Variants in ZNF799 observed in about 807,000 individuals in gnomAD.
ZNF799 encodes the protein zinc finger protein 799, also known as zinc finger protein 14.
ZNF799 carries 28 observed loss-of-function variants against 41.0 expected under a neutral mutation model. The ratio of observed to expected loss-of-function variants is 0.68; its 90% CI spans 0.51 to 0.94. The LOEUF (loss-of-function observed/expected upper bound fraction) is 0.94. Ranked by LOEUF, ZNF799 falls within the 40% of genes least tolerant of loss-of-function variation. The probability of loss-of-function intolerance (pLI) is 0.00; values close to 1 mark genes in which losing one functional copy is unlikely to be tolerated. For synonymous variants in ZNF799, 213 were observed against 252.9 expected (o/e 0.84, Z 1.50); for missense variants, 716 against 764.3 (o/e 0.94, Z 0.74).
intron 1 of ZNF799, among the ~76,000 whole-genome samples, chr19:12,398,437 T>C: frequency 6.6e-6 from 1 of 152,244 alleles, no homozygotes; most frequent in East Asian, 1.9e-4. Flanking sequence ...TGTTTATGTC[T>C]ATGGGTGGGA....
chr19:12,411,040 A>G, the ZNF799 span, among the ~76,000 whole-genome samples: 2,581 of 152,356 alleles, frequency 0.017, 77 homozygotes, highest in African/African-American at 0.059. Context: ...TCTGAAAAAG[A>G]GAAGCAGAGA....
At position 12,391,489 on chromosome 19, in the gene ZNF799, G is replaced by A. The variant is rs1969817170; in HGVS notation, c.909C>T (p.His303=). The change falls in exon 4 of 4, where the codon CAC becomes CAT. Residue 303 remains histidine, a synonymous_variant. Transcript: ENST00000430385. ...STSLRRHETT[H]TDEKPYACQQ... is the part of the protein sequence containing the mutation. ...GACATGCATAGGGTTTCTCATCAGT[G>A]TGAGTTGTTTCGTGTCTTCGAAGGG... The A allele has an allele frequency of 6.2e-7, 1 of 1,614,092 alleles. No homozygotes were observed.
rs185628703 is a variant in ZNF799 at position 12,398,802 on chromosome 19, C to G, written c.3+2266G>C. 1.9e-3 allele frequency among the ~76,000 whole-genome samples: 291 copies of G among 152,134 alleles called. 5 individuals carry two copies. Among genetic ancestry groups the G allele is most frequent in the Admixed American group, 0.017 (263 of 15,290 alleles). ...AGCCATAATGGAAGAGGGTTTTTTC[C>G]TTGGTAGTAGTTATACTACTAAGTC... On this transcript the variant is annotated intron_variant, in intron 1 of 3. Coordinates refer to ENST00000430385, the MANE Select transcript of ZNF799 (RefSeq NM_001080821.3).
chr19:12,400,999 C>G, intron 1 of ZNF799, 69 bp downstream of exon 1: 1 of 1,613,500 alleles, frequency 6.2e-7, no homozygotes, highest in Non-Finnish European at 8.5e-7. Context: ...CCGGGTCCAG[C>G]CACAGCCGAT....
chr19:12,390,344 A>G lies in ZNF799; in HGVS notation c.*122T>C. The stretch of plus-strand genomic sequence containing the variant: ...ACTGTACTGGAAAGAAACTGAAATT[A>G]CTTAAGGTTTTACCAAGTGCTTACA... On this transcript the variant is annotated 3_prime_UTR_variant, in exon 4 of 4. Coordinates refer to ENST00000430385, the MANE Select transcript of ZNF799 (RefSeq NM_001080821.3). 6.4e-7 allele frequency: 1 copy of G among 1,569,294 alleles called. No individual in the cohort carries two copies.
chr19:12,403,121 T>C (rs1970009589), upstream of ZNF799, among the ~76,000 whole-genome samples: 1 of 151,636 alleles, frequency 6.6e-6, no homozygotes, highest in South Asian at 2.1e-4. Context: ...TTGTTATTGG[T>C]CTGTTCAGGT....
In ZNF799 at chr19:12,391,341, T is replaced by G. The variant is rs201335235; in HGVS notation, c.1057A>C (p.Lys353Gln). ...CCAGTGTGAGTTCTTTCATGACTTT[T>G]CAGTGAACTAGGACAATCAAAGCCT... ...GKGFDCPSSL[K>Q]SHERTHTGEK... The change falls in exon 4 of 4, where the codon AAA becomes CAA. Residue 353 changes from lysine (K) to glutamine (Q), a missense_variant. Transcript: ENST00000430385. 6.0e-5 allele frequency: 97 copies of G among 1,611,806 alleles called. No homozygotes were observed. Among genetic ancestry groups the G allele is most frequent in the Middle Eastern group, 3.3e-4 (2 of 6,056 alleles).
rs1969789053 is a variant in ZNF799 at position 12,390,416 on chromosome 19, A to G, written c.*50T>C. 6.2e-7 allele frequency: 1 copy of G among 1,606,060 alleles called. No homozygotes were observed. Among genetic ancestry groups the G allele is most frequent in the African/African-American group, 1.3e-5 (1 of 74,398 alleles). ...GTGTTTCGTACAAGTATCTGAAATG[A>G]AATAAAATTAATAAATGCTTTCCCA... is the stretch of plus-strand genomic sequence containing the variant. On this transcript the variant is annotated 3_prime_UTR_variant, in exon 4 of 4. Coordinates refer to ENST00000430385, the MANE Select transcript of ZNF799 (RefSeq NM_001080821.3).
chr19:12,391,525 A>C lies in ZNF799; in HGVS notation c.873T>G (p.Ser291Arg). 6.2e-7 allele frequency: 1 copy of C among 1,614,174 alleles called. No individual in the cohort carries two copies. The highest frequency in any genetic ancestry group is 8.5e-7 in the Non-Finnish European group (1 of 1,180,012). Residue 291 changes from serine (S) to arginine (R), a missense_variant, in exon 4 of 4, where the codon AGT becomes AGG. Around this residue, in one of 2 missense-constraint regions of ZNF799, gnomAD observed 698 missense variants for 713.6 expected, o/e 0.98. Transcript: ENST00000430385. ...YTCKQCGKAF[S>R]ASTSLRRHET... Reference sequence around the variant, plus strand: ...CGTGTCTTCGAAGGGAAGTGGAAGCACTGAAGGCTTTCCCACATTGTTTAC... The same window carrying C: ...CGTGTCTTCGAAGGGAAGTGGAAGCCCTGAAGGCTTTCCCACATTGTTTAC...
intron 1 of ZNF799, among the ~76,000 whole-genome samples, chr19:12,398,714 G>C (rs532294169): frequency 6.6e-6 from 1 of 152,118 alleles, no homozygotes; most frequent in Non-Finnish European, 1.5e-5. Context: ...CTGAACTTTT[G>C]TTAAATCCTT....
At position 12,390,576 on chromosome 19, in the gene ZNF799, T is replaced by A; in HGVS notation, c.1822A>T (p.Lys608Ter). ...GTGTGAGTTTTTTTCCAGTGAGTCTTTTTATGTCTATGCAAGGAACTGAGA... is the reference window on the plus strand; with the variant it reads ...GTGTGAGTTTTTTTCCAGTGAGTCTATTTATGTCTATGCAAGGAACTGAGA... The part of the protein sequence containing the change: ...ASLSSLHRHK[K>*]THWKKTHTGE... Residue 608 changes from lysine to a stop codon, truncating the protein, a stop_gained, in exon 4 of 4, where the codon AAG becomes TAG. Coordinates refer to ENST00000430385, the MANE Select transcript of ZNF799 (RefSeq NM_001080821.3). LOFTEE classifies it high-confidence loss of function. 6.2e-7 allele frequency: 1 copy of A among 1,613,226 alleles called. No individual in the cohort carries two copies.
intron 1 of ZNF799, chr19:12,394,788 A>G (rs1969871436): frequency 2.0e-6 from 2 of 985,366 alleles, no homozygotes; most frequent in East Asian, 1.1e-4. Context: ...ACATTACCAA[A>G]TCTAATAGAA....
At chr19:12,414,544 A>G in the ZNF799 span, among the ~76,000 whole-genome samples, 1 of 152,216 alleles carries the variant, frequency 6.6e-6, no homozygotes, top group African/African-American at 2.4e-5. Context: ...GATATCCTCC[A>G]GGGATCAGGA....
At chr19:12,407,482 A>G in the ZNF799 span, among the ~76,000 whole-genome samples, 1 of 150,422 alleles carries the variant, frequency 6.6e-6, no homozygotes, top group Non-Finnish European at 1.5e-5. Context: ...AGAGAGAGAG[A>G]GAGAAAAAAA....
intron 1 of ZNF799, among the ~76,000 whole-genome samples, chr19:12,398,500 C>G (rs887400283): frequency 6.6e-6 from 1 of 152,160 alleles, no homozygotes; most frequent in African/African-American, 2.4e-5. Context: ...AGCCCAAATA[C>G]CTATCCCTTC....
chr19:12,390,781 T>C lies in ZNF799; in HGVS notation c.1617A>G (p.Lys539=), dbSNP rs968437644. ...EKPYECKECG[K]AFSWLTCFLR... ...GAAAGCAAGTGAGCCAAGAGAATGC[T>C]TTCCCACATTCCTTACATTCATACG... The change falls in exon 4 of 4, where the codon AAA becomes AAG. Residue 539 remains lysine, a synonymous_variant. Coordinates refer to ENST00000430385, the MANE Select transcript of ZNF799 (RefSeq NM_001080821.3). 1 of 1,614,206 alleles carries C rather than the reference T, an allele frequency of 6.2e-7. No individual in the cohort carries two copies. Among genetic ancestry groups the C allele is most frequent in the Non-Finnish European group, 8.5e-7 (1 of 1,180,016 alleles).
At chr19:12,408,479 G>GA in the ZNF799 span, among the ~76,000 whole-genome samples, 1 of 151,928 alleles carries the variant, frequency 6.6e-6, no homozygotes, top group South Asian at 2.1e-4. Context: ...AGAGTAGAAG[G>GA]AAAAAACAAG....
At chr19:12,392,397 T>C (rs1969838970) in intron 3 of ZNF799, among the ~76,000 whole-genome samples, 191 bp from the exon 4 acceptor site, 1 of 152,268 alleles carries the variant, frequency 6.6e-6, no homozygotes, top group Non-Finnish European at 1.5e-5. Context: ...CACATTCATA[T>C]GTGGATTCAT....
In ZNF799 at chr19:12,394,713, T is replaced by G. The variant is rs922250447; in HGVS notation, c.4-1290A>C. ...TTCTTAGAAAGAACTCAGTGTCATC[T>G]CTCATGAATATTTATAATACTTACT... On this transcript the variant is annotated intron_variant, in intron 1 of 3. Coordinates refer to ENST00000430385, the MANE Select transcript of ZNF799 (RefSeq NM_001080821.3). 6.1e-6 allele frequency: 6 copies of G among 985,228 alleles called. No individual in the cohort carries two copies. The African/African-American group carries it at 1.0e-4, about 17-fold the overall frequency. The allele number at this position is 985,228 out of a possible 1,614,324, so 61.0% of individuals were successfully genotyped here.
Sources: gnomAD v4.1 joint callset for allele counts (sites outside exome capture counted in the v4.1 genomes callset) on GRCh38, gnomAD v4.1.1 for gene constraint, gnomAD v4.1.1 regional missense constraint, MANE v1.5 for transcripts, NCBI Gene and HGNC (gene_info 2026-07-23, HGNC 2026-07-21) for gene names.